ATXN7L1: variants seen among roughly 807,000 people sequenced by gnomAD.
The protein encoded by ATXN7L1 is ataxin-7-like protein 1.
ATXN7L1 carries 15 observed loss-of-function variants against 70.8 expected under a neutral mutation model. The observed-to-expected ratio is 0.21, with a 90% CI of 0.14 to 0.33. The LOEUF (loss-of-function observed/expected upper bound fraction) is 0.33, where lower values mean the gene tolerates loss of function less well. Among genes scored for constraint, ATXN7L1 ranks in the 10% least tolerant of loss-of-function variants. The probability of loss-of-function intolerance (pLI) is 1.00; values close to 1 mark genes in which losing one functional copy is unlikely to be tolerated. For missense variants in ATXN7L1, 975 were observed against 1,097.1 expected (o/e 0.89, Z 1.57); for synonymous variants, 440 against 445.1 (o/e 0.99, Z 0.14).
chr7:105,807,533 C>T (rs1236663884), intron 2 of ATXN7L1, among the ~76,000 whole-genome samples: 1 of 152,232 alleles, frequency 6.6e-6, no homozygotes, highest in Non-Finnish European at 1.5e-5. Flanking sequence ...TCTTCACACC[C>T]TTGGGTTCCC....
At chr7:105,746,594 A>G (rs1289510742) in intron 3 of ATXN7L1, among the ~76,000 whole-genome samples, 1 of 152,150 alleles carries the variant, frequency 6.6e-6, no homozygotes, top group Non-Finnish European at 1.5e-5. Flanking sequence ...CCCTTCCTGC[A>G]CTGACTTTTC....
chr7:105,723,889 T>C lies in ATXN7L1; in HGVS notation c.356-58601A>G, dbSNP rs577652947. 1.1e-4 allele frequency among the ~76,000 whole-genome samples: 16 copies of C among 152,322 alleles called. No homozygotes were observed. In the South Asian group the frequency reaches 3.3e-3, roughly 32 times the overall value. On this transcript the variant is annotated intron_variant, in intron 3 of 11. Transcript: ENST00000419735. ...GAGACACTCTACTGGTACTTGACTT[T>C]GCTGCAAAGTAGGGAGGAAAAGGAG...
intron 3 of ATXN7L1, among the ~76,000 whole-genome samples, chr7:105,696,912 G>A (rs999313506): frequency 4.6e-5 from 7 of 152,156 alleles, no homozygotes; most frequent in South Asian, 2.1e-4. Context: ...AAAGCTGGGC[G>A]TCCGGGGGAG....
chr7:105,807,409 G>C (rs770842615), intron 2 of ATXN7L1, among the ~76,000 whole-genome samples: 2 of 152,202 alleles, frequency 1.3e-5, no homozygotes, highest in African/African-American at 4.8e-5. Flanking sequence ...CCTTGAAAGA[G>C]CTGCCCCACA....
intron 3 of ATXN7L1, among the ~76,000 whole-genome samples, chr7:105,753,364 G>A (rs1182743639): frequency 1.3e-5 from 2 of 152,204 alleles, no homozygotes; most frequent in Admixed American, 6.5e-5. Flanking sequence ...GAGAATACAC[G>A]TGATACAGTC....
At chr7:105,740,650 C>A (rs996205976) in intron 3 of ATXN7L1, among the ~76,000 whole-genome samples, 12 of 151,920 alleles carry the variant, frequency 7.9e-5, no homozygotes, top group African/African-American at 2.7e-4. Flanking sequence ...CTCTTAATTT[C>A]TCTGAAGTTT....
At position 105,785,122 on chromosome 7, in the gene ATXN7L1, G is replaced by A. The variant is rs141949130; in HGVS notation, c.355+3482C>T. Among the ~76,000 whole-genome samples, 402 of 152,280 alleles carry A rather than the reference G, an allele frequency of 2.6e-3. 1 individual carries two copies. The highest frequency in any genetic ancestry group is 9.4e-3 in the African/African-American group (390 of 41,546). ...CCTTAGCTTCCTCAATTACAAAATG[G>A]GTATAACATTAACACCCATGTCACA... On this transcript the variant is annotated intron_variant, in intron 3 of 11. Transcript: ENST00000419735.
At chr7:105,837,486 G>T (rs1254709254) in intron 2 of ATXN7L1, among the ~76,000 whole-genome samples, 1 of 151,738 alleles carries the variant, frequency 6.6e-6, no homozygotes, top group African/African-American at 2.4e-5. Flanking sequence ...TAGAATCAGT[G>T]AAATATGAAG....
intron 3 of ATXN7L1, among the ~76,000 whole-genome samples, chr7:105,727,755 T>TAC (rs1796024612): frequency 1.2e-5 from 1 of 85,510 alleles, no homozygotes; most frequent in Non-Finnish European, 2.2e-5. Context: ...TGTATATATA[T>TAC]ATATATATAT....
chr7:105,866,677 C>G (rs1347379165), intron 2 of ATXN7L1, among the ~76,000 whole-genome samples: 2 of 152,164 alleles, frequency 1.3e-5, no homozygotes, highest in African/African-American at 4.8e-5. Flanking sequence ...GCTGGGAGCA[C>G]GTAATCAGCA....
intron 3 of ATXN7L1, among the ~76,000 whole-genome samples, chr7:105,749,993 T>C (rs1334996231): frequency 1.3e-5 from 2 of 151,848 alleles, no homozygotes; most frequent in Non-Finnish European, 2.9e-5. Flanking sequence ...CCTAAAATCT[T>C]AATTTGCCTT....
At position 105,621,341 on chromosome 7, in the gene ATXN7L1, C is replaced by T. The variant is rs538917058; in HGVS notation, c.1396-1020G>A. On this transcript the variant is annotated intron_variant, in intron 8 of 11. Transcript: ENST00000419735. The stretch of plus-strand genomic sequence containing the variant: ...CCCACTGTGAATTCCCATGGCACAC[C>T]CATTGCCTGCTTTATTACATTTTGC... Among the ~76,000 whole-genome samples the T allele has an allele frequency of 3.3e-5, 5 of 152,314 alleles. No individual in the cohort carries two copies. In the South Asian group the frequency reaches 1.0e-3, roughly 32 times the overall value.
At chr7:105,733,597 TCCATCCACCCATCCATCCATCCATC>T (rs1796908513) in intron 3 of ATXN7L1, among the ~76,000 whole-genome samples, 1 of 52,266 alleles carries the variant, frequency 1.9e-5, no homozygotes, top group Non-Finnish European at 3.9e-5. Flanking sequence ...CATCCATCCA[TCCATCCACCCATCCATCCATCCATC>T]CATCCATCCA....
chr7:105,638,451 C>T lies in ATXN7L1; in HGVS notation c.1104G>A (p.Pro368=), dbSNP rs200723756. The T allele has an allele frequency of 1.2e-4, 187 of 1,552,356 alleles. 3 individuals are homozygous for T. The South Asian group carries it at 2.1e-3, about 17-fold the overall frequency. Residue 368 remains proline (P), a synonymous_variant, in exon 7 of 12, where the codon CCG becomes CCA. Transcript: ENST00000419735. The part of the protein sequence containing the change: ...TREILPSQSG[P]AQDSLLGSSG... ...AAGACCCTAGCAGAGAATCCTGTGC[C>T]GGCCCGGATTGGCTTGGAAGTATTT... is the stretch of plus-strand genomic sequence containing the variant.
intron 4 of ATXN7L1, among the ~76,000 whole-genome samples, chr7:105,664,565 G>A (rs1222219061): frequency 8.2e-6 from 1 of 121,976 alleles, no homozygotes; most frequent in Non-Finnish European, 1.8e-5. Context: ...TATATATTAT[G>A]TATGTGTGTG....
intron 3 of ATXN7L1, among the ~76,000 whole-genome samples, chr7:105,783,874 C>G (rs1367345859): frequency 6.6e-6 from 1 of 152,158 alleles, no homozygotes; most frequent in Non-Finnish European, 1.5e-5. Context: ...GGACCTATTA[C>G]TTGTGACTGG....
At chr7:105,765,060 C>T (rs757274813) in intron 3 of ATXN7L1, among the ~76,000 whole-genome samples, 46 of 152,132 alleles carry the variant, frequency 3.0e-4, no homozygotes, top group Admixed American at 8.5e-4. Flanking sequence ...CTAGGCCGGG[C>T]GTGGTGGCTC....
intron 2 of ATXN7L1, among the ~76,000 whole-genome samples, chr7:105,791,043 G>A (rs1805153366): frequency 6.6e-6 from 1 of 152,250 alleles, no homozygotes; most frequent in Admixed American, 6.5e-5. Flanking sequence ...GCTCTGTGCT[G>A]CATTCCCAGA....
intron 6 of ATXN7L1, among the ~76,000 whole-genome samples, 155 bp from the exon 7 acceptor site, chr7:105,638,764 A>C (rs1267670180): frequency 6.6e-6 from 1 of 152,032 alleles, no homozygotes; most frequent in Non-Finnish European, 1.5e-5. Flanking sequence ...GGCTAGGAAG[A>C]GGCAGAGACC....
Sources: allele counts gnomAD v4.1 joint callset (sites outside exome capture counted in the v4.1 genomes callset), GRCh38; gene constraint gnomAD v4.1.1; transcripts MANE v1.5; gene names NCBI Gene and HGNC (gene_info 2026-07-23, HGNC 2026-07-21).